CEP350: variants seen among roughly 807,000 people sequenced by gnomAD.
CEP350 encodes the protein centrosomal protein 350.
Under a neutral mutation model 331.8 loss-of-function variants are expected in CEP350, and 126 were observed. The observed-to-expected ratio is 0.38, with a 90% CI of 0.33 to 0.44. CEP350 has a LOEUF of 0.44. Among genes scored for constraint, CEP350 ranks in the 20% least tolerant of loss-of-function variants. The pLI, the probability that CEP350 is intolerant of heterozygous loss-of-function variation, is 1.00. For synonymous variants in CEP350, 1,200 were observed against 1,259.5 expected (o/e 0.95, Z 1.00); for missense variants, 3,406 against 3,634.6 (o/e 0.94, Z 1.62).
At chr1:179,992,319 G>A (rs967186443) in intron 5 of CEP350, 98 bp downstream of exon 5, 3 of 984,646 alleles carry the variant, frequency 3.0e-6, no homozygotes, top group Non-Finnish European at 4.2e-6. Flanking sequence ...TAGCACTCTG[G>A]TTGTGAAATA....
At chr1:180,077,330 G>A (rs1234270381) in intron 28 of CEP350, among the ~76,000 whole-genome samples, 1 of 151,806 alleles carries the variant, frequency 6.6e-6, no homozygotes, top group Non-Finnish European at 1.5e-5. Flanking sequence ...TTAACAAAAA[G>A]TGTACAAGAT....
In CEP350 at chr1:179,992,158, C is replaced by T. The variant is rs1180290924; in HGVS notation, c.332C>T (p.Thr111Ile). The change falls in exon 5 of 38, where the codon ACC becomes ATC. Residue 111 changes from threonine (T) to isoleucine (I), a missense_variant. Thr to Ile is a moderately conservative substitution (Grantham distance 89, BLOSUM62 -1). Around this residue, in one of 5 missense-constraint regions of CEP350, gnomAD observed 1,857 missense variants for 1,909.2 expected, o/e 0.97. Coordinates refer to ENST00000367607, the MANE Select transcript of CEP350 (RefSeq NM_014810.5). ...EKSRSPLRAT[T>I]LESNVKKNNR... The stretch of plus-strand genomic sequence containing the variant: ...TCTCGTAGTCCTCTCAGGGCCACCA[C>T]CCTGGAGAGTAATGTGAAGAAAAAT... 2.0e-6 allele frequency: 3 copies of T among 1,535,278 alleles called. No homozygotes were observed. Among genetic ancestry groups the T allele is most frequent in the Non-Finnish European group, 2.6e-6 (3 of 1,145,362 alleles).
At position 180,022,802 on chromosome 1, in the gene CEP350, C is replaced by T; in HGVS notation, c.3340C>T (p.Pro1114Ser). 1 of 1,602,568 alleles carries T rather than the reference C, an allele frequency of 6.2e-7. No individual in the cohort carries two copies. The highest frequency in any genetic ancestry group is 8.5e-7 in the Non-Finnish European group (1 of 1,173,732). Residue 1114 changes from proline (P) to serine (S), a missense_variant, in exon 13 of 38, where the codon CCA becomes TCA. Pro to Ser is a moderately conservative substitution (Grantham distance 74). Coordinates refer to ENST00000367607, the MANE Select transcript of CEP350 (RefSeq NM_014810.5). The part of the protein sequence containing the change: ...VSYEDDFVSS[P>S]GTGTSTEKKS... The stretch of plus-strand genomic sequence containing the variant: ...ATATGAAGATGATTTTGTCTCCTCT[C>T]CAGGGACTGGGACTTCGACAGAAAA...
chr1:179,959,108 T>A (rs539920967), intron 1 of CEP350, among the ~76,000 whole-genome samples: 1 of 152,214 alleles, frequency 6.6e-6, no homozygotes, highest in Non-Finnish European at 1.5e-5. Context: ...TTTTTAGAGA[T>A]CTACACATTT....
intron 25 of CEP350, 100 bp from the exon 26 acceptor site, chr1:180,062,120 T>C: frequency 9.5e-7 from 1 of 1,054,070 alleles, no homozygotes; most frequent in Non-Finnish European, 1.2e-6. Flanking sequence ...AAATACTATA[T>C]GTATTTATTT....
intron 31 of CEP350, 94 bp downstream of exon 31, chr1:180,084,272 G>T (rs1659730234): frequency 8.4e-7 from 1 of 1,187,582 alleles, no homozygotes. Flanking sequence ...AATGGATTAG[G>T]ATTCTTCATT....
intron 22 of CEP350, among the ~76,000 whole-genome samples, chr1:180,050,508 C>G (rs1657414073): frequency 6.6e-6 from 1 of 151,730 alleles, no homozygotes; most frequent in South Asian, 2.1e-4. Context: ...ACTAAAAATA[C>G]AAAAATTATC....
chr1:180,025,259 T>C (rs1288944261), intron 14 of CEP350, among the ~76,000 whole-genome samples: 1 of 152,176 alleles, frequency 6.6e-6, no homozygotes, highest in Admixed American at 6.5e-5. Context: ...TTAAAAAAAC[T>C]TTATAGTATA....
chr1:180,099,741 C>T (rs1660689651), intron 37 of CEP350, among the ~76,000 whole-genome samples: 1 of 148,870 alleles, frequency 6.7e-6, no homozygotes, highest in African/African-American at 2.5e-5. Flanking sequence ...ATAACATTTG[C>T]TTAGTATTTT....
intron 22 of CEP350, among the ~76,000 whole-genome samples, chr1:180,051,417 G>A (rs190159412): frequency 6.6e-6 from 1 of 152,174 alleles, no homozygotes. Context: ...TAAAGAGTTG[G>A]AAAACAATTG....
chr1:180,051,655 C>G (rs1458108753), intron 22 of CEP350, among the ~76,000 whole-genome samples: 1 of 152,098 alleles, frequency 6.6e-6, no homozygotes, highest in Non-Finnish European at 1.5e-5. Flanking sequence ...ATTGGGAGTT[C>G]CCAAAATGGA....
chr1:180,023,364 G>A (rs1002675426), intron 13 of CEP350, among the ~76,000 whole-genome samples: 3 of 152,108 alleles, frequency 2.0e-5, no homozygotes, highest in African/African-American at 7.2e-5. Flanking sequence ...TGAATTCCTA[G>A]TACAGTATTG....
At chr1:180,068,589 G>A (rs1658687952) in intron 27 of CEP350, among the ~76,000 whole-genome samples, 1 of 152,134 alleles carries the variant, frequency 6.6e-6, no homozygotes, top group Non-Finnish European at 1.5e-5. Flanking sequence ...GACTGTTCCT[G>A]TTTATGGAAC....
In CEP350 at chr1:180,094,168, A is replaced by G. The variant is rs1463518080; in HGVS notation, c.8063A>G (p.Asn2688Ser). The change falls in exon 34 of 38, where the codon AAT becomes AGT. Residue 2688 changes from asparagine to serine, a missense_variant. By Grantham distance (46) the Asn-to-Ser change is conservative (BLOSUM62 1). Transcript: ENST00000367607. The part of the protein sequence containing the change: ...SIAAEDDTLD[N>S]TFSEELEKQQ... ...GCTGCAGAAGATGACACTTTAGACA[A>G]TACCTTTTCCGAAGAATTGGAGAAG... The G allele has an allele frequency of 1.2e-6, 2 of 1,613,512 alleles. No homozygotes were observed. Among genetic ancestry groups the G allele is most frequent in the African/African-American group, 1.3e-5 (1 of 74,928 alleles).
chr1:179,979,767 G>T (rs916196074), intron 1 of CEP350, among the ~76,000 whole-genome samples: 2 of 151,970 alleles, frequency 1.3e-5, no homozygotes, highest in Non-Finnish European at 2.9e-5. Context: ...TCTGCATATG[G>T]AGATTCAGTT....
Position 180,093,620 on chromosome 1 carries a change from T to A in CEP350, c.7515T>A (p.Ile2505=), listed in dbSNP as rs1660316419. Residue 2505 remains isoleucine (I), a synonymous_variant, in exon 34 of 38, where the codon ATT becomes ATA. Coordinates refer to ENST00000367607, the MANE Select transcript of CEP350 (RefSeq NM_014810.5). The stretch of plus-strand genomic sequence containing the variant: ...TCCACATTGGTGATAGGGTGTTGAT[T>A]GGAAATGTTCAGCCAGGAATTCTTC... ...FDFHIGDRVL[I]GNVQPGILRF... 1 of 1,613,874 alleles carries A rather than the reference T, an allele frequency of 6.2e-7. No individual in the cohort carries two copies. The highest frequency in any genetic ancestry group is 1.7e-5 in the Admixed American group (1 of 60,014).
At chr1:179,999,358 C>T (rs1283105332) in intron 6 of CEP350, among the ~76,000 whole-genome samples, 1 of 151,504 alleles carries the variant, frequency 6.6e-6, no homozygotes, top group African/African-American at 2.4e-5. Context: ...TTTTAATGTG[C>T]TAGTTTTTAT....
chr1:180,003,111 A>G (rs1279589326), intron 6 of CEP350, 63 bp from the exon 7 acceptor site: 1 of 1,045,754 alleles, frequency 9.6e-7, no homozygotes, highest in East Asian at 2.5e-5. Context: ...TTTAAAAAGT[A>G]TAACAAACAA....
intron 1 of CEP350, among the ~76,000 whole-genome samples, chr1:179,960,542 T>A (rs1282662697): frequency 6.6e-6 from 1 of 152,182 alleles, no homozygotes; most frequent in Admixed American, 6.5e-5. Context: ...AGGACACTAC[T>A]CAAACTACCA....
Sources: gnomAD v4.1 joint callset for allele counts (sites outside exome capture counted in the v4.1 genomes callset) on GRCh38, gnomAD v4.1.1 for gene constraint, gnomAD v4.1.1 regional missense constraint, MANE v1.5 for transcripts, NCBI Gene and HGNC (gene_info 2026-07-23, HGNC 2026-07-21) for gene names.